EXTL3: variants seen among roughly 807,000 people sequenced by gnomAD.
The protein encoded by EXTL3 is exostosin like glycosyltransferase 3, also known as exostosin-like 3.
In EXTL3, 27 loss-of-function variants were observed where a neutral mutation model predicts 69.3. The observed-to-expected ratio is 0.39, with a 90% CI of 0.29 to 0.54. The LOEUF (loss-of-function observed/expected upper bound fraction) is 0.54. Among genes scored for constraint, EXTL3 ranks in the 20% least tolerant of loss-of-function variants. The pLI, the probability that EXTL3 is intolerant of heterozygous loss-of-function variation, is 0.69. For missense variants in EXTL3, 1,003 were observed against 1,231.8 expected, an observed-to-expected ratio of 0.81 and a Z score of 2.78; for synonymous variants, 511 against 499.4, an observed-to-expected ratio of 1.02 and a Z score of -0.31.
chr8:28,633,363 AT>A (rs1423421371), intron 1 of EXTL3, among the ~76,000 whole-genome samples: 2 of 152,106 alleles, frequency 1.3e-5, no homozygotes, highest in Admixed American at 6.6e-5. Context: ...AAATAAAAAA[AT>A]AAATCAGGCC....
At chr8:28,691,789 C>T (rs1433259639) in intron 1 of EXTL3, among the ~76,000 whole-genome samples, 4 of 151,600 alleles carry the variant, frequency 2.6e-5, no homozygotes, top group East Asian at 1.9e-4. Flanking sequence ...CCCAGCTACT[C>T]GGGAGGCTGA....
At chr8:28,714,251 G>C (rs907971680) in intron 2 of EXTL3, among the ~76,000 whole-genome samples, 5 of 152,080 alleles carry the variant, frequency 3.3e-5, no homozygotes, top group Non-Finnish European at 7.4e-5. Context: ...TTTATTGACA[G>C]ATTAAAATTT....
At chr8:28,644,622 C>T (rs1032715396) in intron 1 of EXTL3, among the ~76,000 whole-genome samples, 4 of 151,952 alleles carry the variant, frequency 2.6e-5, no homozygotes, top group Admixed American at 2.0e-4. Context: ...TTGCTTAAGC[C>T]CAGGAGTGCA....
At chr8:28,630,569 A>C (rs7009699) in intron 1 of EXTL3, among the ~76,000 whole-genome samples, 53,999 of 152,116 alleles carry the variant, frequency 0.35, 10,725 homozygotes, top group African/African-American at 0.54. Context: ...GGAAAAATTA[A>C]CTAACCTACC....
At chr8:28,655,214 G>A (rs1378645046) in intron 1 of EXTL3, among the ~76,000 whole-genome samples, 1 of 152,172 alleles carries the variant, frequency 6.6e-6, no homozygotes, top group African/African-American at 2.4e-5. Context: ...GGGAGGCCAA[G>A]GTGGGAGGAT....
chr8:28,623,711 A>G lies in EXTL3; in HGVS notation c.-53+901A>G, dbSNP rs1048306954. 3.9e-5 allele frequency among the ~76,000 whole-genome samples: 6 copies of G among 152,118 alleles called. No homozygotes were observed. Among genetic ancestry groups the G allele is most frequent in the African/African-American group, 1.2e-4 (5 of 41,424 alleles). On this transcript the variant is annotated intron_variant, in intron 1 of 6. Coordinates refer to the EXTL3 transcript ENST00000523149. The surrounding 1 kb of genome is among the most constrained non-coding windows in gnomAD (Gnocchi z 4.2). ...TGTTTTTATTTAAAACCTTCCCCCT[A>G]TATTTTCATTCCCATAAATACGAAT...
chr8:28,733,243 C>G (rs1801576623), intron 4 of EXTL3, among the ~76,000 whole-genome samples: 1 of 152,028 alleles, frequency 6.6e-6, no homozygotes, highest in Admixed American at 6.6e-5. Flanking sequence ...GGTGGCAGCC[C>G]CATATTGCAT....
chr8:28,668,127 C>T (rs554723266), intron 1 of EXTL3, among the ~76,000 whole-genome samples: 2 of 151,810 alleles, frequency 1.3e-5, no homozygotes, highest in East Asian at 3.9e-4. Context: ...ATTATTCGGG[C>T]ATGGTGGCAT....
At chr8:28,634,251 C>T (rs963089855) in intron 1 of EXTL3, among the ~76,000 whole-genome samples, 18 of 152,102 alleles carry the variant, frequency 1.2e-4, no homozygotes, top group African/African-American at 3.4e-4. Context: ...GAGAAATGAT[C>T]GGTTCACATC....
chr8:28,615,304 A>C (rs894459747), intron 2 of EXTL3, among the ~76,000 whole-genome samples: 4 of 151,956 alleles, frequency 2.6e-5, no homozygotes, highest in Non-Finnish European at 5.9e-5. Context: ...ATCTTTACTG[A>C]TTTTCTGCCT....
intron 4 of EXTL3, among the ~76,000 whole-genome samples, chr8:28,735,797 T>C (rs1368148582): frequency 6.6e-6 from 1 of 152,134 alleles, no homozygotes; most frequent in Admixed American, 6.5e-5. Flanking sequence ...CAATCAATCA[T>C]AAGGGACAGA....
rs756747852 is a variant in EXTL3, at chr8:28,716,322, C to T, written c.263C>T (p.Ser88Leu). ...HVLDLCRIRE[S>L]VSEELLQLEA... Reference sequence around the variant, plus strand: ...CTGGATCTGTGCCGCATCCGGGAGTCGGTGAGTGAAGAGCTCCTGCAGCTG... The same window carrying T: ...CTGGATCTGTGCCGCATCCGGGAGTTGGTGAGTGAAGAGCTCCTGCAGCTG... The change falls in exon 3 of 7, where the codon TCG becomes TTG. Residue 88 changes from serine (S) to leucine (L), a missense_variant. Around this residue, in one of 2 missense-constraint regions of EXTL3, gnomAD observed 742 missense variants for 815.4 expected, o/e 0.91. Coordinates refer to ENST00000220562, the MANE Select transcript of EXTL3 (RefSeq NM_001440.4). This position sits in a 1 kb window ranked among gnomAD's most constrained non-coding sequence, Gnocchi z 7.1. The T allele has an allele frequency of 5.0e-6, 8 of 1,614,032 alleles. No individual in the cohort carries two copies. The highest frequency in any genetic ancestry group is 3.3e-5 in the South Asian group (3 of 91,070).
intron 4 of EXTL3, among the ~76,000 whole-genome samples, chr8:28,737,261 G>T (rs1237907012): frequency 6.6e-6 from 1 of 152,190 alleles, no homozygotes; most frequent in East Asian, 1.9e-4. Context: ...CAAACTTAGG[G>T]CTTATTCTTT....
At position 28,610,718 on chromosome 8, in the gene EXTL3, T is replaced by C. The variant is rs961333055; in HGVS notation, n.314+2960T>C. ...AGGTTGGTAAAATGACTTCTTCAAG[T>C]TTGTAAATCAAGCCCAGATCTGTTT... On this transcript the variant is annotated intron_variant and non_coding_transcript_variant, in intron 2 of 4. Transcript: ENST00000522725. 3.3e-4 allele frequency among the ~76,000 whole-genome samples: 50 copies of C among 151,902 alleles called. 1 individual carries two copies. Among genetic ancestry groups the C allele is most frequent in the African/African-American group, 1.1e-3 (46 of 41,382 alleles).
chr8:28,669,712 C>G (rs1238225970), intron 1 of EXTL3, among the ~76,000 whole-genome samples: 3 of 152,148 alleles, frequency 2.0e-5, no homozygotes, highest in African/African-American at 7.2e-5. Context: ...TCTCTAACTT[C>G]TCTGTTCTCT....
intron 2 of EXTL3, among the ~76,000 whole-genome samples, chr8:28,612,137 A>G (rs1347571411): frequency 6.6e-6 from 1 of 152,134 alleles, no homozygotes; most frequent in African/African-American, 2.4e-5. Flanking sequence ...TGGTGGTTGT[A>G]CATTTCTAAC....
chr8:28,651,592 T>C (rs1806921644), intron 1 of EXTL3, among the ~76,000 whole-genome samples: 1 of 152,232 alleles, frequency 6.6e-6, no homozygotes, highest in African/African-American at 2.4e-5. Context: ...TCCAAAGTGC[T>C]GGGATTATAA....
At chr8:28,675,359 A>G (rs533318013) in intron 1 of EXTL3, among the ~76,000 whole-genome samples, 2 of 152,296 alleles carry the variant, frequency 1.3e-5, no homozygotes, top group East Asian at 3.9e-4. Context: ...AAGGCACCAA[A>G]ATGTCTACAA....
chr8:28,681,786 G>A (rs1448824593), intron 1 of EXTL3, among the ~76,000 whole-genome samples: 3 of 152,106 alleles, frequency 2.0e-5, no homozygotes, highest in African/African-American at 2.4e-5. Flanking sequence ...GGGCATGGTA[G>A]CTCACGCCTG....
Sources: allele counts gnomAD v4.1 joint callset (sites outside exome capture counted in the v4.1 genomes callset), GRCh38; gene constraint gnomAD v4.1.1; regional missense constraint gnomAD v4.1.1; non-coding constraint Gnocchi (gnomAD v3.1); transcripts MANE v1.5; gene names NCBI Gene and HGNC (gene_info 2026-07-23, HGNC 2026-07-21).